Variants in COA8 observed in about 807,000 individuals in gnomAD.
COA8 encodes the protein UPF0671 protein C14orf153.
A neutral mutation model predicts 22.0 loss-of-function variants in COA8; 20 were observed. The ratio of observed to expected loss-of-function variants is 0.91; its 90% confidence interval spans 0.64 to 1.32. COA8 has a LOEUF of 1.32. Ranked by LOEUF, COA8 falls within the 40% of genes most tolerant of loss-of-function variation. COA8 has a pLI of 0.00. For missense variants in COA8, 266 were observed against 230.0 expected (o/e 1.16, Z -1.01); for synonymous variants, 105 against 79.9 (o/e 1.31, Z -1.68).
At chr14:103,575,648 C>G (rs570830816) in intron 3 of COA8, among the ~76,000 whole-genome samples, 17 of 152,302 alleles carry the variant, frequency 1.1e-4, no homozygotes, top group Admixed American at 8.5e-4. Flanking sequence ...TAGATTCGTT[C>G]TCTCTGCAAT....
intron 1 of COA8, among the ~76,000 whole-genome samples, chr14:103,564,915 A>G (rs2076124954): frequency 6.6e-6 from 1 of 151,362 alleles, no homozygotes; most frequent in South Asian, 2.1e-4. Context: ...AAATCTTACC[A>G]TGGGTCTGTT....
intron 1 of COA8, among the ~76,000 whole-genome samples, chr14:103,566,057 C>A (rs1474545496): frequency 6.6e-6 from 1 of 152,146 alleles, no homozygotes; most frequent in African/African-American, 2.4e-5. Context: ...AAGAACAAGC[C>A]ATTTTAACCC....
intron 3 of COA8, among the ~76,000 whole-genome samples, chr14:103,583,541 CAAAAAAAAAAA>C (rs35726464): frequency 9.4e-5 from 5 of 53,088 alleles, no homozygotes; most frequent in South Asian, 1.6e-3. Flanking sequence ...GACTCGATCT[CAAAAAAAAAAA>C]AAAAAAAAAA....
chr14:103,574,264 G>A (rs772669466), intron 3 of COA8, 94 bp downstream of exon 3: 3 of 1,552,404 alleles, frequency 1.9e-6, no homozygotes, highest in Non-Finnish European at 2.7e-6. Context: ...AGGTGGGGAA[G>A]TTCAGGGCGG....
At chr14:103,568,431 GTA>G (rs563340956) in intron 1 of COA8, among the ~76,000 whole-genome samples, 3 of 148,826 alleles carry the variant, frequency 2.0e-5, no homozygotes, top group Admixed American at 6.7e-5. Context: ...AAGGAGATAT[GTA>G]TATATATATA....
At chr14:103,580,168 C>G (rs1440135787) in intron 3 of COA8, among the ~76,000 whole-genome samples, 1 of 151,328 alleles carries the variant, frequency 6.6e-6, no homozygotes, top group Non-Finnish European at 1.5e-5. Flanking sequence ...CTTCAACCTC[C>G]CAGGCTCAAG....
At position 103,571,680 on chromosome 14, in the gene COA8, A is replaced by G. The variant is rs150897283; in HGVS notation, c.181A>G (p.Lys61Glu). The G allele has an allele frequency of 1.8e-5, 29 of 1,614,128 alleles. No individual in the cohort carries two copies. Among genetic ancestry groups the G allele is most frequent in the Non-Finnish European group, 2.2e-5 (26 of 1,180,040 alleles). ...CCATGATTGGATAGGACCCCCAGAT[A>G]AATATTCAAACCTTCGACCTGTTCA... ...SCHDWIGPPD[K>E]YSNLRPVHFY... Residue 61 changes from lysine (K) to glutamate (E), a missense_variant, in exon 2 of 5, where the codon AAA becomes GAA. By Grantham distance (56) the Lys-to-Glu change is moderately conservative. Coordinates refer to ENST00000409074, the MANE Select transcript of COA8 (RefSeq NM_001370595.2).
intron 1 of COA8, among the ~76,000 whole-genome samples, chr14:103,566,430 A>G: frequency 6.6e-6 from 1 of 152,352 alleles, no homozygotes; most frequent in East Asian, 1.9e-4. Context: ...AAAAAGAAAA[A>G]AAAGAGTGAG....
intron 4 of COA8, among the ~76,000 whole-genome samples, chr14:103,589,599 A>G (rs1286422981): frequency 6.6e-6 from 1 of 151,708 alleles, no homozygotes; most frequent in Non-Finnish European, 1.5e-5. Flanking sequence ...ACTAAGCAAG[A>G]TGAAAAAACA....
intron 1 of COA8, 133 bp from the exon 2 acceptor site, chr14:103,571,490 A>G: frequency 1.2e-6 from 1 of 858,782 alleles, no homozygotes; most frequent in East Asian, 2.6e-5. Flanking sequence ...TTTGGCTGAG[A>G]TCACGCCACT....
Position 103,563,068 on chromosome 14 carries a change from G to T in COA8, c.67G>T (p.Gly23Cys), listed in dbSNP as rs752679434. The change falls in exon 1 of 5, where the codon GGC becomes TGC. Residue 23 changes from glycine to cysteine, a missense_variant. Physicochemically the swap from Gly to Cys is radical, Grantham distance 159. Transcript: ENST00000409074. Reference sequence around the variant, plus strand: ...TCTCTGCCGCGCCTTCGCCTGCCGCGGCTGTCAACTCGCTCCGGAGCGCGG... The same window carrying T: ...TCTCTGCCGCGCCTTCGCCTGCCGCTGCTGTCAACTCGCTCCGGAGCGCGG... Reference protein sequence around the residue: ...PPLCRAFACRGCQLAPERGAE... With the variant: ...PPLCRAFACRCCQLAPERGAE... 2.1e-5 allele frequency: 32 copies of T among 1,541,404 alleles called. No homozygotes were observed. In the Admixed American group the frequency reaches 3.3e-4, roughly 16 times the overall value.
At chr14:103,589,332 T>G (rs1475619444) in intron 4 of COA8, among the ~76,000 whole-genome samples, 1 of 152,292 alleles carries the variant, frequency 6.6e-6, no homozygotes, top group East Asian at 1.9e-4. Flanking sequence ...ATTGCTTAAG[T>G]AGGTGGAGGT....
chr14:103,590,477 A>G lies in COA8; in HGVS notation c.*191A>G. The G allele has an allele frequency of 5.4e-6, 3 of 556,868 alleles. No homozygotes were observed. The highest frequency in any genetic ancestry group is 9.5e-6 in the Non-Finnish European group (3 of 314,720). 34.5% of individuals were successfully genotyped at this position (556,868 alleles called of 1,614,324 possible). A position where few individuals can be genotyped will look rare whatever the true frequency, so the allele number is the denominator to read the frequency against. On this transcript the variant is annotated 3_prime_UTR_variant, in exon 5 of 5. Transcript: ENST00000409074. ...CCGCCTGCCTGCTGATGTGGGCTCT[A>G]GGCCAGCTTGTTGTCACGTACGTGG...
chr14:103,572,814 C>T (rs1185979072), intron 2 of COA8, among the ~76,000 whole-genome samples: 2 of 150,084 alleles, frequency 1.3e-5, no homozygotes, highest in African/African-American at 2.5e-5. Flanking sequence ...GACGGAGTCT[C>T]GCTCTGTCAC....
chr14:103,573,110 A>T (rs1033122144), intron 2 of COA8, among the ~76,000 whole-genome samples: 2 of 152,152 alleles, frequency 1.3e-5, no homozygotes, highest in Non-Finnish European at 2.9e-5. Context: ...CAGGATACTT[A>T]TAAATAAACT....
chr14:103,572,630 T>C (rs1482255516), intron 2 of COA8, among the ~76,000 whole-genome samples: 1 of 151,970 alleles, frequency 6.6e-6, no homozygotes, highest in African/African-American at 2.4e-5. Context: ...CTTGGGAGGC[T>C]GAGGCACAAG....
At chr14:103,579,099 G>A (rs997279130) in intron 3 of COA8, among the ~76,000 whole-genome samples, 17 of 152,030 alleles carry the variant, frequency 1.1e-4, no homozygotes, top group African/African-American at 1.4e-4. Context: ...CTCTGAGTAC[G>A]GACACAGTTT....
At chr14:103,570,048 G>A (rs2076170895) in intron 1 of COA8, among the ~76,000 whole-genome samples, 1 of 152,112 alleles carries the variant, frequency 6.6e-6, no homozygotes, top group South Asian at 2.1e-4. Context: ...GTAGAGATGG[G>A]GTTTCACCAT....
chr14:103,572,319 A>G (rs1368702776), intron 2 of COA8, among the ~76,000 whole-genome samples: 1 of 152,182 alleles, frequency 6.6e-6, no homozygotes, highest in African/African-American at 2.4e-5. Context: ...TATATAAGAA[A>G]TGGTCATTCG....
Sources: allele counts gnomAD v4.1 joint callset (sites outside exome capture counted in the v4.1 genomes callset), GRCh38; gene constraint gnomAD v4.1.1; transcripts MANE v1.5; gene names NCBI Gene and HGNC (gene_info 2026-07-23, HGNC 2026-07-21).